The following PTPRD variants were observed in gnomAD, a reference collection of about 807,000 sequenced individuals.
PTPRD encodes protein tyrosine phosphatase receptor type D, also known as receptor-type tyrosine-protein phosphatase delta.
A neutral mutation model predicts 214.5 loss-of-function variants in PTPRD; 34 were observed. That is an observed-to-expected ratio of 0.16 (90% confidence interval 0.12 to 0.21). The LOEUF (loss-of-function observed/expected upper bound fraction) is 0.21, where lower values mean the gene tolerates loss of function less well. Among genes scored for constraint, PTPRD ranks in the 10% least tolerant of loss-of-function variants. The pLI is 1.00. For synonymous variants in PTPRD, 1,128 were observed against 845.7 expected (o/e 1.33, Z -5.79); for missense variants, 2,545 against 2,398.7 (o/e 1.06, Z -1.27).
chr9:9,598,427 T>C (rs984777936), intron 7 of PTPRD, among the ~76,000 whole-genome samples: 1 of 152,040 alleles, frequency 6.6e-6, no homozygotes, highest in Middle Eastern at 3.4e-3. Context: ...TTGGAAACCA[T>C]TGCCCTACTT....
chr9:10,446,573 G>A (rs892828756), intron 2 of PTPRD, among the ~76,000 whole-genome samples: 1 of 151,718 alleles, frequency 6.6e-6, no homozygotes, highest in African/African-American at 2.4e-5. Context: ...TCATAAATGT[G>A]TTCTTTTCAA....
chr9:9,609,194 A>C (rs772204289), intron 7 of PTPRD, among the ~76,000 whole-genome samples: 16 of 152,160 alleles, frequency 1.1e-4, no homozygotes, highest in Non-Finnish European at 1.2e-4. Flanking sequence ...TATTAAGTGA[A>C]AATTTTAAAA....
chr9:9,243,991 C>T (rs1415370060), intron 9 of PTPRD, among the ~76,000 whole-genome samples: 1 of 151,994 alleles, frequency 6.6e-6, no homozygotes, highest in East Asian at 1.9e-4. Flanking sequence ...TCTTATACAC[C>T]AATAACAGAC....
chr9:8,371,233 A>G (rs2081409468), intron 39 of PTPRD, among the ~76,000 whole-genome samples: 1 of 152,112 alleles, frequency 6.6e-6, no homozygotes, highest in South Asian at 2.1e-4. Flanking sequence ...AGGGAAAAAA[A>G]TATAGTCTCT....
chr9:8,321,714 T>G (rs1010554868), intron 44 of PTPRD, among the ~76,000 whole-genome samples: 2 of 151,692 alleles, frequency 1.3e-5, no homozygotes, highest in Admixed American at 1.3e-4. Context: ...TTAGAAAAGT[T>G]TAAATTAGCA....
chr9:9,775,056 T>C (rs906972148), intron 5 of PTPRD, among the ~76,000 whole-genome samples: 1 of 152,196 alleles, frequency 6.6e-6, no homozygotes, highest in African/African-American at 2.4e-5. Flanking sequence ...CCCTCATTAT[T>C]TCTGAGAGCT....
intron 4 of PTPRD, among the ~76,000 whole-genome samples, chr9:9,976,400 T>C (rs2095352542): frequency 6.6e-6 from 1 of 152,056 alleles, no homozygotes; most frequent in South Asian, 2.1e-4. Flanking sequence ...ATTTTTATTT[T>C]TTTTGAGACA....
At chr9:8,752,201 G>A (rs1011576650) in intron 11 of PTPRD, among the ~76,000 whole-genome samples, 1 of 152,130 alleles carries the variant, frequency 6.6e-6, no homozygotes, top group Admixed American at 6.5e-5. Flanking sequence ...TGAGATAGGA[G>A]GTCCGCACAA....
At chr9:8,363,977 G>A (rs1325487831) in intron 39 of PTPRD, among the ~76,000 whole-genome samples, 4 of 152,172 alleles carry the variant, frequency 2.6e-5, no homozygotes, top group African/African-American at 4.8e-5. Flanking sequence ...AAACACAAAT[G>A]TACCTTATTA....
chr9:8,516,624 G>A (rs1003098944), intron 21 of PTPRD, among the ~76,000 whole-genome samples: 1 of 151,832 alleles, frequency 6.6e-6, no homozygotes, highest in Admixed American at 6.6e-5. Context: ...TCATTGCCAG[G>A]ATTAGCAATG....
At chr9:9,419,776 A>G (rs2078116250) in intron 8 of PTPRD, among the ~76,000 whole-genome samples, 1 of 151,816 alleles carries the variant, frequency 6.6e-6, no homozygotes, top group Non-Finnish European at 1.5e-5. Context: ...CATTATAAAG[A>G]TGACTGCAAG....
At chr9:9,234,489 T>C (rs1032011284) in intron 9 of PTPRD, among the ~76,000 whole-genome samples, 8 of 152,342 alleles carry the variant, frequency 5.3e-5, no homozygotes, top group East Asian at 3.9e-4. Flanking sequence ...CTCATACTTA[T>C]GCAAATTTCT....
In PTPRD at chr9:8,581,953, AAGG is replaced by A. The variant is rs200243454; in HGVS notation, c.352+51361_352+51363del. 3.8e-3 allele frequency among the ~76,000 whole-genome samples: 572 copies of A among 150,504 alleles called. 10 individuals are homozygous for A. In the East Asian group the frequency reaches 0.072, roughly 19 times the overall value. ...AAAAAAAAAAAAAAAGAGGGAAAAA[AAGG>A]AGGACAGAGCTATAGATAATTTACA... On this transcript the variant is annotated intron_variant, in intron 14 of 45. Transcript: ENST00000381196.
chr9:9,515,166 G>A (rs1014364365), intron 8 of PTPRD, among the ~76,000 whole-genome samples: 5 of 152,066 alleles, frequency 3.3e-5, no homozygotes, highest in African/African-American at 1.2e-4. Flanking sequence ...CGTGGTGGAG[G>A]TGCTGGTATA....
At chr9:10,413,248 A>G (rs1405782029) in intron 2 of PTPRD, among the ~76,000 whole-genome samples, 2 of 151,956 alleles carry the variant, frequency 1.3e-5, no homozygotes, top group Non-Finnish European at 2.9e-5. Context: ...GCTAAGAAAC[A>G]ACTTCAGCTA....
chr9:10,220,083 A>T (rs1594587156), intron 3 of PTPRD, among the ~76,000 whole-genome samples: 1 of 151,878 alleles, frequency 6.6e-6, no homozygotes, highest in Admixed American at 6.6e-5. Context: ...ATACCTATTA[A>T]CGTGTTTATC....
Position 8,523,506 on chromosome 9 carries a change from C to A in PTPRD, c.691+7G>T. ...TAAGGTGGGTAAAAAGTAAAAAACA[C>A]ACCAACCTTCTCGCAGCTCTGAGGG... On this transcript the variant is annotated splice_region_variant and intron_variant, in intron 19 of 45. Coordinates refer to ENST00000381196, the MANE Select transcript of PTPRD (RefSeq NM_002839.4). 1 of 1,613,038 alleles carries A rather than the reference C, an allele frequency of 6.2e-7. No homozygotes were observed.
At chr9:9,896,853 T>A (rs1456939076) in intron 5 of PTPRD, among the ~76,000 whole-genome samples, 1 of 152,064 alleles carries the variant, frequency 6.6e-6, no homozygotes, top group Non-Finnish European at 1.5e-5. Flanking sequence ...TTAAATAACA[T>A]ATTAGAAAAA....
intron 7 of PTPRD, among the ~76,000 whole-genome samples, chr9:9,697,228 G>A (rs1367575207): frequency 6.6e-6 from 1 of 152,004 alleles, no homozygotes. Context: ...CAATTACAGT[G>A]TTAGAATATT....
Sources: allele counts gnomAD v4.1 joint callset (sites outside exome capture counted in the v4.1 genomes callset), GRCh38; gene constraint gnomAD v4.1.1; transcripts MANE v1.5; gene names NCBI Gene and HGNC (gene_info 2026-07-23, HGNC 2026-07-21).